Variants in ROBO2 observed in about 807,000 individuals in gnomAD.
The protein encoded by ROBO2 is roundabout guidance receptor 2.
A neutral mutation model predicts 160.8 loss-of-function variants in ROBO2; 53 were observed. The ratio of observed to expected loss-of-function variants is 0.33; its 90% CI spans 0.26 to 0.41. ROBO2 has a LOEUF of 0.41. Among genes scored for constraint, ROBO2 ranks in the 10% least tolerant of loss-of-function variants. The pLI, the probability that ROBO2 is intolerant of heterozygous loss-of-function variation, is 1.00. For missense variants in ROBO2, 1,577 were observed against 1,722.4 expected, an observed-to-expected ratio of 0.92 and a Z score of 1.49; for synonymous variants, 664 against 611.7, an observed-to-expected ratio of 1.09 and a Z score of -1.26.
chr3:77,443,966 TTAG>T (rs2080210413), intron 2 of ROBO2, among the ~76,000 whole-genome samples: 1 of 152,194 alleles, frequency 6.6e-6, no homozygotes, highest in Non-Finnish European at 1.5e-5. Flanking sequence ...ATAAAGCATC[TTAG>T]GCTTCACACT....
rs567981674 is a variant in ROBO2, at chr3:77,000,036, T to C, written c.110-97978T>C. Reference sequence around the variant, plus strand: ...TCTTTTGCTCCCAACATTTCCAGAGTTATTTTGTTCCTCCTTTATATTACA... The same window carrying C: ...TCTTTTGCTCCCAACATTTCCAGAGCTATTTTGTTCCTCCTTTATATTACA... On this transcript the variant is annotated intron_variant, in intron 2 of 26. Transcript: ENST00000487694. 1.7e-4 allele frequency among the ~76,000 whole-genome samples: 26 copies of C among 152,196 alleles called. 1 individual carries two copies. In the South Asian group the frequency reaches 5.2e-3, roughly 30 times the overall value.
intron 2 of ROBO2, among the ~76,000 whole-genome samples, chr3:77,170,274 A>G (rs2150735225): frequency 6.6e-6 from 1 of 152,324 alleles, no homozygotes; most frequent in East Asian, 1.9e-4. Context: ...AGTTCCAGAT[A>G]GTTATTGGGT....
chr3:76,005,564 C>T (rs1026761626), intron 2 of ROBO2, among the ~76,000 whole-genome samples: 5 of 152,104 alleles, frequency 3.3e-5, no homozygotes, highest in African/African-American at 1.2e-4. Flanking sequence ...AAATCTAATC[C>T]ACCTTTTAGG....
At chr3:76,801,578 G>GT (rs71629615) in intron 2 of ROBO2, among the ~76,000 whole-genome samples, 75 of 150,236 alleles carry the variant, frequency 5.0e-4, no homozygotes, top group African/African-American at 1.0e-3. Context: ...TATCCATAAA[G>GT]TTTTTTTTTT....
intron 2 of ROBO2, among the ~76,000 whole-genome samples, chr3:76,864,712 C>T (rs1293884768): frequency 6.6e-6 from 1 of 152,002 alleles, no homozygotes; most frequent in Non-Finnish European, 1.5e-5. Flanking sequence ...TTGACATCCG[C>T]AGGCACAAAA....
At chr3:76,636,007 G>A (rs1349972242) in intron 2 of ROBO2, among the ~76,000 whole-genome samples, 1 of 152,142 alleles carries the variant, frequency 6.6e-6, no homozygotes, top group East Asian at 1.9e-4. Context: ...TTGATGATTT[G>A]TGTTGATTCA....
At chr3:77,088,186 T>C (rs576987373) in intron 1 of ROBO2, among the ~76,000 whole-genome samples, 67 of 152,282 alleles carry the variant, frequency 4.4e-4, no homozygotes, top group African/African-American at 1.6e-3. Context: ...AATTTTCATA[T>C]TTTTAGCAAT....
At chr3:75,950,243 C>G (rs1456151442) in intron 2 of ROBO2, among the ~76,000 whole-genome samples, 1 of 152,030 alleles carries the variant, frequency 6.6e-6, no homozygotes, top group African/African-American at 2.4e-5. Flanking sequence ...TATTAAAGGT[C>G]AGATTTCTTT....
intron 2 of ROBO2, among the ~76,000 whole-genome samples, chr3:76,872,521 A>G (rs1394831239): frequency 6.6e-6 from 1 of 151,954 alleles, no homozygotes; most frequent in African/African-American, 2.4e-5. Flanking sequence ...GAAATATATT[A>G]TTTAAATTCT....
intron 2 of ROBO2, among the ~76,000 whole-genome samples, chr3:77,354,851 G>A (rs549506815): frequency 1.3e-5 from 2 of 152,324 alleles, no homozygotes; most frequent in African/African-American, 4.8e-5. Flanking sequence ...AAGTTGAGAA[G>A]TAGACAGGCC....
intron 2 of ROBO2, among the ~76,000 whole-genome samples, chr3:76,030,934 C>T (rs374362826): frequency 1.3e-5 from 2 of 151,928 alleles, no homozygotes; most frequent in Non-Finnish European, 2.9e-5. Context: ...GGGGATGGCA[C>T]TGAATCTATA....
chr3:76,965,203 C>T (rs540632985), intron 2 of ROBO2, among the ~76,000 whole-genome samples: 6 of 152,318 alleles, frequency 3.9e-5, no homozygotes, highest in Non-Finnish European at 7.3e-5. Context: ...CGCTCATCTT[C>T]TGCATGATAG....
intron 2 of ROBO2, among the ~76,000 whole-genome samples, chr3:77,128,212 C>T (rs2075522398): frequency 6.6e-6 from 1 of 152,102 alleles, no homozygotes; most frequent in African/African-American, 2.4e-5. Flanking sequence ...AGAAAAAGGC[C>T]TCCTAGAGCT....
intron 2 of ROBO2, among the ~76,000 whole-genome samples, chr3:76,119,766 A>G (rs1000015154): frequency 1.1e-4 from 17 of 152,160 alleles, no homozygotes; most frequent in African/African-American, 4.1e-4. Flanking sequence ...AATCTTGAGC[A>G]GGTCTCATCA....
chr3:77,500,049 G>A (rs532945954), intron 5 of ROBO2, among the ~76,000 whole-genome samples: 1 of 152,172 alleles, frequency 6.6e-6, no homozygotes, highest in Non-Finnish European at 1.5e-5. Context: ...ACATTCTCCT[G>A]GTATTGTGTG....
intron 1 of ROBO2, among the ~76,000 whole-genome samples, chr3:77,096,189 C>T (rs915087277): frequency 1.3e-5 from 2 of 152,166 alleles, no homozygotes; most frequent in African/African-American, 4.8e-5. Context: ...GAAATGTGCT[C>T]ATATTAGGTG....
chr3:76,820,694 G>A (rs752771409), intron 2 of ROBO2, among the ~76,000 whole-genome samples: 14 of 151,908 alleles, frequency 9.2e-5, no homozygotes, highest in Non-Finnish European at 1.8e-4. Context: ...CTTTTAAGTA[G>A]GGTTTTTTGA....
chr3:76,924,607 T>C (rs9833251), intron 2 of ROBO2, among the ~76,000 whole-genome samples: 70,482 of 152,064 alleles, frequency 0.46, 16,780 homozygotes, highest in African/African-American at 0.57. Flanking sequence ...AAGCTAAAGG[T>C]TACCTAAGCA....
At chr3:76,545,724 A>G (rs2083059272) in intron 2 of ROBO2, among the ~76,000 whole-genome samples, 2 of 151,816 alleles carry the variant, frequency 1.3e-5, no homozygotes, top group East Asian at 3.9e-4. Flanking sequence ...TCTTGAGTAT[A>G]TTTTGTATTT....
Sources: allele counts gnomAD v4.1 joint callset (sites outside exome capture counted in the v4.1 genomes callset), GRCh38; gene constraint gnomAD v4.1.1; transcripts MANE v1.5; gene names NCBI Gene and HGNC (gene_info 2026-07-23, HGNC 2026-07-21).